Variants in NAALADL2 observed in about 807,000 individuals in gnomAD.
NAALADL2 encodes the protein N-acetylated alpha-linked acidic dipeptidase like 2.
NAALADL2 carries 76 observed loss-of-function variants against 87.2 expected under a neutral mutation model. The observed-to-expected ratio is 0.87, with a 90% CI of 0.72 to 1.05. The LOEUF is 1.05. Ranked by LOEUF, NAALADL2 falls within the 50% of genes least tolerant of loss-of-function variation. The pLI, the probability that NAALADL2 is intolerant of heterozygous loss-of-function variation, is 0.00. For missense variants in NAALADL2, 1,089 were observed against 945.8 expected (o/e 1.15, Z -1.99); for synonymous variants, 354 against 331.0 (o/e 1.07, Z -0.75).
intron 5 of NAALADL2, among the ~76,000 whole-genome samples, chr3:175,441,045 G>C (rs1719638428): frequency 6.6e-6 from 1 of 151,594 alleles, no homozygotes; most frequent in African/African-American, 2.4e-5. Context: ...AGCAAATACA[G>C]TTTTTTTTCT....
chr3:174,623,761 T>C (rs901367475), intron 2 of NAALADL2, among the ~76,000 whole-genome samples: 2 of 152,150 alleles, frequency 1.3e-5, no homozygotes, highest in African/African-American at 4.8e-5. Context: ...AGTCAACTTC[T>C]TGAATATTTT....
intron 2 of NAALADL2, among the ~76,000 whole-genome samples, chr3:175,105,559 T>G (rs184154840): frequency 1.1e-3 from 119 of 107,252 alleles, no homozygotes; most frequent in African/African-American, 5.3e-3. Flanking sequence ...GATTTATATA[T>G]ATTTATATAT....
At chr3:175,090,715 G>A (rs565011155) in intron 1 of NAALADL2, among the ~76,000 whole-genome samples, 1 of 152,112 alleles carries the variant, frequency 6.6e-6, no homozygotes, top group Admixed American at 6.5e-5. Context: ...TATCCAACTT[G>A]ATTATCCACT....
chr3:175,199,832 AT>A (rs1739561782), intron 2 of NAALADL2, among the ~76,000 whole-genome samples: 1 of 8,580 alleles, frequency 1.2e-4, no homozygotes, highest in Non-Finnish European at 2.1e-4. Flanking sequence ...ATATATATAT[AT>A]ATATATATAT....
At chr3:175,183,852 G>A (rs1167647779) in intron 2 of NAALADL2, among the ~76,000 whole-genome samples, 5 of 151,958 alleles carry the variant, frequency 3.3e-5, no homozygotes, top group Admixed American at 2.0e-4. Context: ...TTCTTACTTT[G>A]TTGACAGAGC....
intron 2 of NAALADL2, among the ~76,000 whole-genome samples, chr3:175,162,529 G>A (rs1327990507): frequency 2.6e-5 from 4 of 152,044 alleles, no homozygotes; most frequent in South Asian, 2.1e-4. Flanking sequence ...GATTGATTGC[G>A]TCTCCTTCTT....
intron 1 of NAALADL2, among the ~76,000 whole-genome samples, chr3:175,009,502 AT>A (rs1285129704): frequency 6.6e-6 from 1 of 152,200 alleles, no homozygotes; most frequent in African/African-American, 2.4e-5. Context: ...GATTTGACAA[AT>A]TATGTATTAT....
chr3:175,588,529 C>CTTTTTTT lies in NAALADL2; in HGVS notation c.1800+12346_1800+12347insTTTTTTT, dbSNP rs1430802993. The stretch of plus-strand genomic sequence containing the variant: ...TCAATTTAGGAGACTTTCTTTCTTT[C>CTTTTTTT]TTTTCTTTTTTTTTTTTTTTTTTTT... On this transcript the variant is annotated intron_variant, in intron 10 of 13. Transcript: ENST00000454872. Among the ~76,000 whole-genome samples, 54 of 94,456 alleles carry CTTTTTTT rather than the reference C, an allele frequency of 5.7e-4. 2 individuals are homozygous for CTTTTTTT. The highest frequency in any genetic ancestry group is 2.0e-3 in the African/African-American group (51 of 25,004). The allele number at this position is 94,456 out of a possible 152,430, so 62.0% of individuals were successfully genotyped here. A position where few individuals can be genotyped will look rare whatever the true frequency, so the allele number is the denominator to read the frequency against.
intron 10 of NAALADL2, among the ~76,000 whole-genome samples, chr3:175,603,327 A>G (rs1245180874): frequency 1.3e-5 from 2 of 152,182 alleles, no homozygotes; most frequent in African/African-American, 4.8e-5. Context: ...ATAACATAAA[A>G]TTTACCATCT....
intron 2 of NAALADL2, among the ~76,000 whole-genome samples, chr3:174,679,641 G>A (rs1727350528): frequency 6.6e-6 from 1 of 152,084 alleles, no homozygotes; most frequent in African/African-American, 2.4e-5. Context: ...CACTGTGCTC[G>A]TTCCACCCAC....
rs116261641 is a variant in NAALADL2, at chr3:175,532,766, A to G, written c.1654-43275A>G. ...TTTGGTATCCAATTATTGCCATTGT[A>G]TTTAAATTTTGCAGCTGAGTGACTG... On this transcript the variant is annotated intron_variant, in intron 9 of 13. Transcript: ENST00000454872. Among the ~76,000 whole-genome samples, 140 of 152,288 alleles carry G rather than the reference A, an allele frequency of 9.2e-4. 1 individual carries two copies. The highest frequency in any genetic ancestry group is 3.4e-3 in the Middle Eastern group (1 of 294).
At chr3:175,319,837 A>G (rs1759620544) in intron 4 of NAALADL2, among the ~76,000 whole-genome samples, 1 of 152,114 alleles carries the variant, frequency 6.6e-6, no homozygotes, top group African/African-American at 2.4e-5. Context: ...AAAAATAAAA[A>G]TAGCTGTTGT....
At chr3:175,626,237 C>T (rs978736745) in intron 10 of NAALADL2, among the ~76,000 whole-genome samples, 1 of 151,796 alleles carries the variant, frequency 6.6e-6, no homozygotes, top group Non-Finnish European at 1.5e-5. Flanking sequence ...CTCTGAATTC[C>T]TTTTCCTGAA....
At chr3:175,752,281 A>G (rs1380945413) in intron 12 of NAALADL2, among the ~76,000 whole-genome samples, 2 of 152,130 alleles carry the variant, frequency 1.3e-5, no homozygotes, top group African/African-American at 2.4e-5. Context: ...ATAAAAGTAT[A>G]TAAGTTAATT....
At chr3:175,009,192 G>A (rs4129002) in intron 1 of NAALADL2, among the ~76,000 whole-genome samples, 30,397 of 151,946 alleles carry the variant, frequency 0.2, 3,896 homozygotes, top group African/African-American at 0.35. Context: ...TTTCTAACAC[G>A]TTCTCAGATG....
intron 2 of NAALADL2, among the ~76,000 whole-genome samples, chr3:175,181,718 T>TGTGTGTGTGTGTGTATATGC (rs1553802465): frequency 2.8e-5 from 2 of 72,412 alleles, no homozygotes; most frequent in East Asian, 4.5e-4. Flanking sequence ...TGTGTGTGTG[T>TGTGTGTGTGTGTGTATATGC]ATATATATGT....
chr3:174,617,067 A>G (rs927328999), intron 2 of NAALADL2, among the ~76,000 whole-genome samples: 2 of 151,800 alleles, frequency 1.3e-5, no homozygotes, highest in African/African-American at 4.8e-5. Context: ...TTGTATGGGT[A>G]TTAAATACCC....
At chr3:174,872,910 A>G (rs1253862326) in intron 1 of NAALADL2, among the ~76,000 whole-genome samples, 3 of 152,172 alleles carry the variant, frequency 2.0e-5, no homozygotes, top group Non-Finnish European at 4.4e-5. Context: ...CCAGTCATTC[A>G]TTAAAGATGC....
intron 2 of NAALADL2, among the ~76,000 whole-genome samples, chr3:174,663,030 TTAGA>T (rs777869544): frequency 1.4e-4 from 21 of 152,202 alleles, no homozygotes; most frequent in Admixed American, 6.5e-4. Flanking sequence ...TATTTTAGTA[TTAGA>T]TAATAATGTA....
Sources: allele counts gnomAD v4.1 joint callset (sites outside exome capture counted in the v4.1 genomes callset), GRCh38; gene constraint gnomAD v4.1.1; transcripts MANE v1.5; gene names NCBI Gene and HGNC (gene_info 2026-07-23, HGNC 2026-07-21).